Variants in FNDC3B observed in about 807,000 individuals in gnomAD.
The protein encoded by FNDC3B is fibronectin type III domain-containing protein 3B.
A neutral mutation model predicts 151.5 loss-of-function variants in FNDC3B; 12 were observed. That is an observed-to-expected ratio of 0.08 (90% CI 0.05 to 0.13). The LOEUF is 0.13. Ranked by LOEUF, FNDC3B falls within the 10% of genes least tolerant of loss-of-function variation. The pLI is 1.00. For missense variants in FNDC3B, 1,214 were observed against 1,505.3 expected (o/e 0.81, Z 3.20); for synonymous variants, 528 against 549.0 (o/e 0.96, Z 0.54).
At position 172,050,659 on chromosome 3, in the gene FNDC3B, C is replaced by T. The variant is rs577876206; in HGVS notation, c.-29+10888C>T. Among the ~76,000 whole-genome samples the T allele has an allele frequency of 9.9e-5, 15 of 151,968 alleles. No homozygotes were observed. The South Asian group carries it at 2.9e-3, about 29-fold the overall frequency. On this transcript the variant is annotated intron_variant, in intron 1 of 25. Transcript: ENST00000415807. ...TCAGCCTCCCAAAGTGCTGGGATTA[C>T]AGGCATGAGCCACCACGCCCAGCCT...
chr3:172,147,393 T>C (rs2108595658), intron 3 of FNDC3B, among the ~76,000 whole-genome samples: 1 of 152,104 alleles, frequency 6.6e-6, no homozygotes, highest in Admixed American at 6.5e-5. Context: ...CTGTGAGCCC[T>C]GTTTTCGCAT....
intron 6 of FNDC3B, among the ~76,000 whole-genome samples, chr3:172,252,081 C>A (rs546880906): frequency 6.6e-6 from 1 of 152,266 alleles, no homozygotes; most frequent in Admixed American, 6.5e-5. Flanking sequence ...AGAATGAGGG[C>A]CACCACATAT....
At chr3:172,102,777 C>T (rs575079522) in intron 1 of FNDC3B, among the ~76,000 whole-genome samples, 33 of 152,246 alleles carry the variant, frequency 2.2e-4, no homozygotes, top group African/African-American at 7.5e-4. Flanking sequence ...TCCACCTCCC[C>T]GTGCAGATTA....
chr3:172,221,220 T>C (rs1726262438), intron 3 of FNDC3B, among the ~76,000 whole-genome samples: 1 of 152,226 alleles, frequency 6.6e-6, no homozygotes, highest in Non-Finnish European at 1.5e-5. Context: ...CGTTGGGATA[T>C]GTCATATGTG....
intron 22 of FNDC3B, among the ~76,000 whole-genome samples, chr3:172,361,935 G>A (rs1206731300): frequency 6.6e-6 from 1 of 152,108 alleles, no homozygotes; most frequent in East Asian, 1.9e-4. Flanking sequence ...GCTTCTCAAA[G>A]TGCTGGAATT....
intron 3 of FNDC3B, among the ~76,000 whole-genome samples, chr3:172,135,281 G>A (rs186279349): frequency 6.5e-4 from 99 of 152,028 alleles, no homozygotes; most frequent in Non-Finnish European, 1.0e-3. Flanking sequence ...GTATATATGT[G>A]TTTTTTGTGT....
rs750416274 is a variant in FNDC3B, at chr3:172,251,496, C to A, written c.745C>A (p.Arg249=). Residue 249 remains arginine, a synonymous_variant, in exon 6 of 26, where the codon CGA becomes AGA. Transcript: ENST00000415807. ...GSGPGIKKTE[R]RARSSPKSND... is the part of the protein sequence containing the mutation. Reference sequence around the variant, plus strand: ...TGGTCCCGGAATTAAGAAAACAGAGCGACGAGCAAGAAGCAGCCCAAAGTC... The same window carrying A: ...TGGTCCCGGAATTAAGAAAACAGAGAGACGAGCAAGAAGCAGCCCAAAGTC... 2 of 1,613,902 alleles carry A rather than the reference C, an allele frequency of 1.2e-6. No individual in the cohort carries two copies. Among genetic ancestry groups the A allele is most frequent in the African/African-American group, 1.3e-5 (1 of 75,030 alleles).
At chr3:172,248,822 A>G (rs1727919236) in intron 5 of FNDC3B, among the ~76,000 whole-genome samples, 1 of 150,940 alleles carries the variant, frequency 6.6e-6, no homozygotes, top group Admixed American at 6.6e-5. Flanking sequence ...TAAGTGAAAT[A>G]TATCGTTGTA....
In FNDC3B at chr3:172,352,845, C is replaced by G; in HGVS notation, c.2557C>G (p.Leu853Val). 1 of 1,614,182 alleles carries G rather than the reference C, an allele frequency of 6.2e-7. No homozygotes were observed. Among genetic ancestry groups the G allele is most frequent in the Non-Finnish European group, 8.5e-7 (1 of 1,180,030 alleles). ...AGAGPYSELV[L>V]CQTPASAPDP... The stretch of plus-strand genomic sequence containing the variant: ...GGCAGGGCCGTACAGTGAACTTGTC[C>G]TTTGCCAGACGCCAGCGTCTGCCCC... The change falls in exon 22 of 26, where the codon CTT becomes GTT. Residue 853 changes from leucine to valine, a missense_variant. Transcript: ENST00000415807. This position sits in a 1 kb window ranked among gnomAD's most constrained non-coding sequence, Gnocchi z 4.2.
At position 172,343,101 on chromosome 3, in the gene FNDC3B, G is replaced by A. The variant is rs1246900476; in HGVS notation, c.2062G>A (p.Val688Ile). Residue 688 changes from valine to isoleucine, a missense_variant, in exon 18 of 26, where the codon GTC (valine) becomes ATC (isoleucine). Around this residue, in one of 7 missense-constraint regions of FNDC3B, gnomAD observed 380 missense variants for 420.9 expected, o/e 0.90. Coordinates refer to ENST00000415807, the MANE Select transcript of FNDC3B (RefSeq NM_022763.4). The part of the protein sequence containing the change: ...RVLGRPKHKE[V>I]HLEWDVPASE... ...TTTGGGTAGACCAAAGCACAAAGAA[G>A]TCCACTTAGAGTGGGGTGAGTGAAC... is the stretch of plus-strand genomic sequence containing the variant. 1.3e-6 allele frequency: 2 copies of A among 1,599,290 alleles called. No individual in the cohort carries two copies. The highest frequency in any genetic ancestry group is 1.7e-6 in the Non-Finnish European group (2 of 1,167,070).
intron 4 of FNDC3B, among the ~76,000 whole-genome samples, chr3:172,232,820 C>A (rs1726956464): frequency 6.6e-6 from 1 of 152,180 alleles, no homozygotes; most frequent in Non-Finnish European, 1.5e-5. Flanking sequence ...TTCTGTGTAA[C>A]TTTGATAAAT....
intron 1 of FNDC3B, among the ~76,000 whole-genome samples, chr3:172,086,085 G>A (rs1473879416): frequency 2.0e-5 from 3 of 152,194 alleles, no homozygotes; most frequent in African/African-American, 7.2e-5. Flanking sequence ...TCTGGGCCAG[G>A]CATGGTGGTT....
chr3:172,344,484 T>C (rs1004389166), intron 19 of FNDC3B, among the ~76,000 whole-genome samples: 2 of 152,232 alleles, frequency 1.3e-5, no homozygotes, highest in African/African-American at 2.4e-5. Context: ...TATCATTCTA[T>C]GAAGACAGCA....
At position 172,330,341 on chromosome 3, in the gene FNDC3B, TC is replaced by T; in HGVS notation, c.1380-199del. 1.0e-5 allele frequency: 5 copies of T among 496,748 alleles called. 1 individual carries two copies. The South Asian group carries it at 1.6e-4, about 16-fold the overall frequency. 30.8% of individuals were successfully genotyped at this position (496,748 alleles called of 1,614,324 possible). A position where few individuals can be genotyped will look rare whatever the true frequency, so the allele number is the denominator to read the frequency against. On this transcript the variant is annotated intron_variant, in intron 12 of 25. Transcript: ENST00000415807. Reference sequence around the variant, plus strand: ...ATTGTCCTGTGACTTGGTGTGTGTGTCTAGTAGAAGATCATGGGGTGGGGGG... The same window carrying T: ...ATTGTCCTGTGACTTGGTGTGTGTGTTAGTAGAAGATCATGGGGTGGGGGG...
intron 1 of FNDC3B, among the ~76,000 whole-genome samples, chr3:172,055,102 A>G (rs1716849060): frequency 6.6e-6 from 1 of 152,194 alleles, no homozygotes; most frequent in East Asian, 1.9e-4. Flanking sequence ...TCATTTTTAA[A>G]TAAATTACTA....
At chr3:172,372,055 G>A (rs756725101) in intron 23 of FNDC3B, among the ~76,000 whole-genome samples, 6 of 151,908 alleles carry the variant, frequency 3.9e-5, no homozygotes, top group Admixed American at 1.3e-4. Context: ...TACTCTTATC[G>A]TACCCACTTT....
At chr3:172,262,402 G>A (rs1392414677) in intron 6 of FNDC3B, among the ~76,000 whole-genome samples, 1 of 152,126 alleles carries the variant, frequency 6.6e-6, no homozygotes, top group Admixed American at 6.5e-5. Context: ...TCTACCTCTT[G>A]TGCTGGATTA....
rs527973619 is a variant in FNDC3B at position 172,319,139 on chromosome 3, C to T, written c.1254+8258C>T. Reference sequence around the variant, plus strand: ...TTGCTGAGGCTAAATTATAAATCTCCTCTTGGTTCCTGACACCTGATTTAT... The same window carrying T: ...TTGCTGAGGCTAAATTATAAATCTCTTCTTGGTTCCTGACACCTGATTTAT... On this transcript the variant is annotated intron_variant, in intron 11 of 25. Coordinates refer to ENST00000415807, the MANE Select transcript of FNDC3B (RefSeq NM_022763.4). Among the ~76,000 whole-genome samples, 20 of 152,304 alleles carry T rather than the reference C, an allele frequency of 1.3e-4. No individual in the cohort carries two copies. In the South Asian group the frequency reaches 1.9e-3, roughly 14 times the overall value.
chr3:172,041,936 C>G (rs1716099815), intron 1 of FNDC3B, among the ~76,000 whole-genome samples: 1 of 152,036 alleles, frequency 6.6e-6, no homozygotes, highest in Non-Finnish European at 1.5e-5. Context: ...AGGTACAATT[C>G]TCACTTTGTT....
Sources: allele counts gnomAD v4.1 joint callset (sites outside exome capture counted in the v4.1 genomes callset), GRCh38; gene constraint gnomAD v4.1.1; regional missense constraint gnomAD v4.1.1; non-coding constraint Gnocchi (gnomAD v3.1); transcripts MANE v1.5; gene names NCBI Gene and HGNC (gene_info 2026-07-23, HGNC 2026-07-21).